KCTD16: variants seen among roughly 807,000 people sequenced by gnomAD.
KCTD16 encodes potassium channel tetramerization domain containing 16, also known as BTB/POZ domain-containing protein KCTD16.
KCTD16 carries 13 observed loss-of-function variants against 33.2 expected under a neutral mutation model. That is an observed-to-expected ratio of 0.39 (90% CI 0.25 to 0.62). The LOEUF (loss-of-function observed/expected upper bound fraction) is 0.62, where lower values mean the gene tolerates loss of function less well. KCTD16 is among the 20% of genes least tolerant of loss of function. The pLI is 0.50. For missense variants in KCTD16, 441 were observed against 525.1 expected (o/e 0.84, Z 1.57); for synonymous variants, 197 against 195.3 (o/e 1.01, Z -0.07).
At chr5:144,203,281 G>A (rs1325986020) in intron 2 of KCTD16, among the ~76,000 whole-genome samples, 1 of 151,172 alleles carries the variant, frequency 6.6e-6, no homozygotes, top group Admixed American at 6.6e-5. Context: ...TTAATTCTTG[G>A]TGTGCTTTTT....
intron 3 of KCTD16, among the ~76,000 whole-genome samples, chr5:144,390,955 G>A (rs1219212183): frequency 6.6e-6 from 1 of 151,964 alleles, no homozygotes; most frequent in Non-Finnish European, 1.5e-5. Flanking sequence ...TGTCTTCTGT[G>A]TTCTTAATTC....
intron 3 of KCTD16, among the ~76,000 whole-genome samples, chr5:144,298,554 T>A (rs556321043): frequency 6.6e-6 from 1 of 152,254 alleles, no homozygotes; most frequent in South Asian, 2.1e-4. Flanking sequence ...AGTGAAGCGC[T>A]TAGTACTGTG....
intron 3 of KCTD16, among the ~76,000 whole-genome samples, chr5:144,361,733 G>A (rs1035339089): frequency 8.5e-5 from 13 of 152,086 alleles, no homozygotes; most frequent in Non-Finnish European, 1.2e-4. Flanking sequence ...ATAACATTTA[G>A]AAATCTCATT....
chr5:144,290,993 G>A (rs1470220045), intron 3 of KCTD16, among the ~76,000 whole-genome samples: 2 of 152,134 alleles, frequency 1.3e-5, no homozygotes, highest in African/African-American at 2.4e-5. Flanking sequence ...AGTGCAAGAC[G>A]TTAAAATAAT....
At position 144,483,262 on chromosome 5, in the gene KCTD16, A is replaced by G. The variant is rs1042253835; in HGVS notation, c.*9148A>G. The G allele has an allele frequency of 6.6e-5, 10 of 151,834 alleles. No homozygotes were observed. Among genetic ancestry groups the G allele is most frequent in the Admixed American group, 5.9e-4 (9 of 15,212 alleles). 9.4% of individuals were successfully genotyped at this position (151,834 alleles called of 1,614,324 possible). ...GCACAAATTCAATGGTTATTGCCCT[A>G]GTGGTGCTTCACTTACCTATTGGTT... On this transcript the variant is annotated 3_prime_UTR_variant, in exon 4 of 4. Coordinates refer to ENST00000512467, the MANE Select transcript of KCTD16 (RefSeq NM_020768.4).
chr5:144,311,748 A>G (rs2052517), intron 3 of KCTD16, among the ~76,000 whole-genome samples: 15,887 of 152,120 alleles, frequency 0.1, 2,099 homozygotes, highest in African/African-American at 0.31. Flanking sequence ...AGTCAGGCAA[A>G]ATACCTACCA....
chr5:144,219,866 G>C (rs913144243), intron 3 of KCTD16, among the ~76,000 whole-genome samples: 4 of 152,096 alleles, frequency 2.6e-5, no homozygotes, highest in Admixed American at 1.3e-4. Flanking sequence ...TTTGGACCCA[G>C]CAGGAGAAAC....
At chr5:144,289,598 C>A (rs1755839161) in intron 3 of KCTD16, among the ~76,000 whole-genome samples, 1 of 152,168 alleles carries the variant, frequency 6.6e-6, no homozygotes, top group Admixed American at 6.5e-5. Flanking sequence ...AAGTATAAAG[C>A]CACCTAGCCT....
At chr5:144,292,126 T>C (rs527584223) in intron 3 of KCTD16, among the ~76,000 whole-genome samples, 19 of 152,356 alleles carry the variant, frequency 1.2e-4, no homozygotes, top group African/African-American at 4.6e-4. Context: ...TTCACCAGAT[T>C]GCTGAAGGGA....
intron 3 of KCTD16, among the ~76,000 whole-genome samples, chr5:144,401,244 C>A (rs1050955916): frequency 2.0e-5 from 3 of 152,104 alleles, no homozygotes; most frequent in Non-Finnish European, 4.4e-5. Flanking sequence ...TAAATTACAG[C>A]ACCAATCATA....
At chr5:144,393,513 A>G (rs1043127616) in intron 3 of KCTD16, among the ~76,000 whole-genome samples, 1 of 152,042 alleles carries the variant, frequency 6.6e-6, no homozygotes, top group Non-Finnish European at 1.5e-5. Flanking sequence ...GGGCACTCAA[A>G]TATCTGTTCT....
chr5:144,439,136 A>G (rs1472300778), intron 3 of KCTD16: 1 of 162,364 alleles, frequency 6.2e-6, no homozygotes, highest in Admixed American at 6.4e-5. Context: ...TCATTAAAAA[A>G]TATTTGGTGC....
intron 3 of KCTD16, among the ~76,000 whole-genome samples, chr5:144,467,014 AAT>A (rs1491585896): frequency 2.4e-4 from 30 of 126,008 alleles, no homozygotes; most frequent in African/African-American, 8.6e-4. Context: ...TATTATATAT[AAT>A]ATATATAACA....
chr5:144,291,180 C>G (rs562541490), intron 3 of KCTD16, among the ~76,000 whole-genome samples: 1 of 152,260 alleles, frequency 6.6e-6, no homozygotes, highest in Non-Finnish European at 1.5e-5. Flanking sequence ...TCAAGCATGC[C>G]CTGCCTAAAA....
rs551459552 is a variant in KCTD16 at position 144,398,868 on chromosome 5, T to C, written c.833-74792T>C. On this transcript the variant is annotated intron_variant, in intron 3 of 3. Coordinates refer to ENST00000512467, the MANE Select transcript of KCTD16 (RefSeq NM_020768.4). The stretch of plus-strand genomic sequence containing the variant: ...TGCAATGTAAACACCACTGTGCTTT[T>C]TGTTGTTAAATTTTGGTACTTCCTT... 3.3e-5 allele frequency among the ~76,000 whole-genome samples: 5 copies of C among 152,294 alleles called. No homozygotes were observed. The South Asian group carries it at 1.0e-3, about 32-fold the overall frequency.
chr5:144,265,709 T>C (rs1364083661), intron 3 of KCTD16, among the ~76,000 whole-genome samples: 2 of 152,222 alleles, frequency 1.3e-5, no homozygotes, highest in Non-Finnish European at 2.9e-5. Flanking sequence ...GGAACATAAA[T>C]ATATGTCATG....
intron 3 of KCTD16, among the ~76,000 whole-genome samples, chr5:144,301,145 G>A (rs1283835354): frequency 6.6e-6 from 1 of 151,364 alleles, no homozygotes; most frequent in Non-Finnish European, 1.5e-5. Flanking sequence ...GGAAGCTGAG[G>A]CAGGAGAATC....
At chr5:144,380,109 G>A (rs996233312) in intron 3 of KCTD16, among the ~76,000 whole-genome samples, 5 of 152,002 alleles carry the variant, frequency 3.3e-5, no homozygotes, top group African/African-American at 1.2e-4. Flanking sequence ...TCTGACCAAA[G>A]GGTCCTATAA....
At chr5:144,392,642 CT>C (rs1253457360) in intron 3 of KCTD16, among the ~76,000 whole-genome samples, 3 of 152,268 alleles carry the variant, frequency 2.0e-5, no homozygotes, top group Admixed American at 2.0e-4. Context: ...GCTCCTTTTT[CT>C]GGGGGCACTG....
Sources: allele counts gnomAD v4.1 joint callset (sites outside exome capture counted in the v4.1 genomes callset), GRCh38; gene constraint gnomAD v4.1.1; transcripts MANE v1.5; gene names NCBI Gene and HGNC (gene_info 2026-07-23, HGNC 2026-07-21).